ARHGEF3: variants seen among roughly 807,000 people sequenced by gnomAD.
The protein encoded by ARHGEF3 is 59.8 kDA protein.
ARHGEF3 carries 28 observed loss-of-function variants against 63.2 expected under a neutral mutation model. That is an observed-to-expected ratio of 0.44 (90% CI 0.33 to 0.61). The LOEUF is 0.61. Among genes scored for constraint, ARHGEF3 ranks in the 20% least tolerant of loss-of-function variants. The pLI is 0.03. For synonymous variants in ARHGEF3, 266 were observed against 254.2 expected (o/e 1.05, Z -0.44); for missense variants, 533 against 659.3 (o/e 0.81, Z 2.10).
intron 1 of ARHGEF3, among the ~76,000 whole-genome samples, chr3:56,799,754 A>T (rs938273174): frequency 6.6e-6 from 1 of 152,218 alleles, no homozygotes; most frequent in African/African-American, 2.4e-5. Flanking sequence ...TCTTTTTCCA[A>T]TTTTGCCAAT....
intron 4 of ARHGEF3, among the ~76,000 whole-genome samples, chr3:56,839,088 G>A (rs754848905): frequency 2.0e-5 from 3 of 152,084 alleles, no homozygotes; most frequent in Non-Finnish European, 4.4e-5. Flanking sequence ...GCAGTGAGCT[G>A]TGATTGTGCC....
chr3:56,828,487 C>A (rs1487423260), intron 4 of ARHGEF3, among the ~76,000 whole-genome samples: 1 of 152,070 alleles, frequency 6.6e-6, no homozygotes, highest in East Asian at 1.9e-4. Context: ...CGGGCCAAGA[C>A]TGCGCCACTG....
intron 4 of ARHGEF3, among the ~76,000 whole-genome samples, chr3:56,837,886 C>T (rs1422398133): frequency 3.9e-5 from 6 of 152,162 alleles, no homozygotes; most frequent in African/African-American, 1.4e-4. Context: ...AAGCTTCCTC[C>T]AGCAGCCAGA....
intron 2 of ARHGEF3, among the ~76,000 whole-genome samples, chr3:57,016,509 C>T (rs1340152807): frequency 2.6e-5 from 4 of 152,050 alleles, no homozygotes; most frequent in Non-Finnish European, 5.9e-5. Flanking sequence ...GATCGCACCA[C>T]CGCACTCCAG....
intron 4 of ARHGEF3, among the ~76,000 whole-genome samples, chr3:56,855,099 A>G (rs1463086751): frequency 6.6e-6 from 1 of 152,012 alleles, no homozygotes; most frequent in African/African-American, 2.4e-5. Flanking sequence ...GAGTACAATA[A>G]CAAGGTCAGA....
intron 1 of ARHGEF3, among the ~76,000 whole-genome samples, chr3:56,795,334 C>T (rs1384603643): frequency 1.3e-5 from 2 of 152,122 alleles, no homozygotes; most frequent in Non-Finnish European, 2.9e-5. Context: ...TGCAATGACC[C>T]TGGGTCATTT....
chr3:56,834,467 A>G (rs2039039944), intron 4 of ARHGEF3, among the ~76,000 whole-genome samples: 1 of 152,200 alleles, frequency 6.6e-6, no homozygotes, highest in African/African-American at 2.4e-5. Flanking sequence ...GTATGTATTC[A>G]GAATAATAAG....
chr3:57,064,936 G>A (rs1289017858), intron 1 of ARHGEF3, among the ~76,000 whole-genome samples: 1 of 152,196 alleles, frequency 6.6e-6, no homozygotes, highest in African/African-American at 2.4e-5. Context: ...TTTACGTTAT[G>A]TGTGTTTTAT....
intron 2 of ARHGEF3, among the ~76,000 whole-genome samples, chr3:57,013,574 C>T (rs759898220): frequency 1.3e-5 from 2 of 152,116 alleles, no homozygotes; most frequent in African/African-American, 2.4e-5. Flanking sequence ...GCTAGCTAAT[C>T]TGGTGGGGAC....
intron 1 of ARHGEF3, among the ~76,000 whole-genome samples, chr3:56,779,636 C>A (rs2036475841): frequency 2.0e-5 from 3 of 152,204 alleles, no homozygotes; most frequent in Admixed American, 2.0e-4. Flanking sequence ...CTCTTCCCAG[C>A]TATAAGCTTT....
intron 4 of ARHGEF3, among the ~76,000 whole-genome samples, chr3:56,873,613 T>A (rs1437099443): frequency 6.6e-6 from 1 of 152,144 alleles, no homozygotes; most frequent in African/African-American, 2.4e-5. Context: ...TCTCACTATA[T>A]TGCCCAGGCT....
intron 3 of ARHGEF3, among the ~76,000 whole-genome samples, chr3:56,907,227 C>G (rs537874049): frequency 1.3e-5 from 2 of 152,120 alleles, no homozygotes. Flanking sequence ...GTGATCCACC[C>G]GCCTCAGTCT....
At chr3:56,734,839 T>C (rs191675854) in intron 8 of ARHGEF3, among the ~76,000 whole-genome samples, 1 of 152,300 alleles carries the variant, frequency 6.6e-6, no homozygotes, top group Non-Finnish European at 1.5e-5. Context: ...AAAGGCTTTT[T>C]GGTGTGGTAG....
chr3:56,758,284 GAAA>G (rs1176698699), intron 2 of ARHGEF3, among the ~76,000 whole-genome samples: 1 of 137,476 alleles, frequency 7.3e-6, no homozygotes, highest in Non-Finnish European at 1.6e-5. Context: ...CCCTCTAAAG[GAAA>G]AAAAAAAAAA....
chr3:56,783,442 G>C (rs1020441616), intron 1 of ARHGEF3, among the ~76,000 whole-genome samples: 2 of 152,108 alleles, frequency 1.3e-5, no homozygotes, highest in Non-Finnish European at 2.9e-5. Flanking sequence ...GAATGTTCAT[G>C]GCATACCATT....
intron 4 of ARHGEF3, among the ~76,000 whole-genome samples, chr3:56,828,511 G>A (rs1466738187): frequency 6.6e-6 from 1 of 152,130 alleles, no homozygotes; most frequent in Non-Finnish European, 1.5e-5. Flanking sequence ...TCTACCCTGG[G>A]TGACAGAGTG....
At position 56,763,763 on chromosome 3, in the gene ARHGEF3, C is replaced by T. The variant is rs1455523971; in HGVS notation, c.205-8612G>A. On this transcript the variant is annotated intron_variant, in intron 2 of 9. Transcript: ENST00000296315. The stretch of plus-strand genomic sequence containing the variant: ...TTTATTTTATTTTTTTTTGTAGGGA[C>T]AGGGCCTTACTATATTGCCCAGGCT... 2.0e-5 allele frequency among the ~76,000 whole-genome samples: 3 copies of T among 151,500 alleles called. No individual in the cohort carries two copies. The East Asian group carries it at 5.8e-4, about 29-fold the overall frequency.
chr3:57,042,672 A>G lies in ARHGEF3; in HGVS notation c.-27-7496T>C, dbSNP rs1392171464. On this transcript the variant is annotated intron_variant, in intron 1 of 12. Coordinates refer to the ARHGEF3 transcript ENST00000338458. Reference sequence around the variant, plus strand: ...CATAAATATATATATATATATATATATATATATATATATATATATATATAT... The same window carrying G: ...CATAAATATATATATATATATATATGTATATATATATATATATATATATAT... Among the ~76,000 whole-genome samples, 15 of 17,846 alleles carry G rather than the reference A, an allele frequency of 8.4e-4. No individual in the cohort carries two copies. The East Asian group carries it at 0.045, about 54-fold the overall frequency. 11.7% of individuals were successfully genotyped at this position (17,846 alleles called of 152,430 possible). A position where few individuals can be genotyped will look rare whatever the true frequency, so the allele number is the denominator to read the frequency against.
chr3:57,073,702 G>C lies in ARHGEF3; in HGVS notation c.-28+5524C>G, dbSNP rs1706060614. The C allele has an allele frequency of 5.0e-6, 8 of 1,613,444 alleles. No individual in the cohort carries two copies. The East Asian group carries it at 1.6e-4, about 31-fold the overall frequency. ...GTTTTTGACTTGGGCCCCATGTCCAGTTCTGCTCTGACTTGTGGGTCCACC... is the reference window on the plus strand; with the variant it reads ...GTTTTTGACTTGGGCCCCATGTCCACTTCTGCTCTGACTTGTGGGTCCACC... On this transcript the variant is annotated intron_variant, in intron 1 of 12. Transcript: ENST00000338458.
Sources: allele counts gnomAD v4.1 joint callset (sites outside exome capture counted in the v4.1 genomes callset), GRCh38; gene constraint gnomAD v4.1.1; transcripts MANE v1.5; gene names NCBI Gene and HGNC (gene_info 2026-07-23, HGNC 2026-07-21).